Variants in EYA4 observed in about 807,000 individuals in gnomAD.
EYA4 encodes the protein EYA transcriptional coactivator and phosphatase 4, also known as protein phosphatase EYA4.
A neutral mutation model predicts 87.9 loss-of-function variants in EYA4; 31 were observed. That is an observed-to-expected ratio of 0.35 (90% CI 0.27 to 0.48). The LOEUF is 0.48. Among genes scored for constraint, EYA4 ranks in the 20% least tolerant of loss-of-function variants. EYA4 has a pLI of 0.99. For missense variants in EYA4, 678 were observed against 761.4 expected (o/e 0.89, Z 1.29); for synonymous variants, 263 against 270.6 (o/e 0.97, Z 0.28).
intron 2 of EYA4, among the ~76,000 whole-genome samples, chr6:133,327,355 C>T (rs115965217): frequency 2.8e-3 from 429 of 152,166 alleles, no homozygotes; most frequent in African/African-American, 9.9e-3. Flanking sequence ...TGGTCTCAAA[C>T]TCCTGTCTTC....
chr6:133,246,378 A>C (rs1431418513), intron 1 of EYA4, among the ~76,000 whole-genome samples: 1 of 152,066 alleles, frequency 6.6e-6, no homozygotes, highest in African/African-American at 2.4e-5. Context: ...ACAGTAAGTA[A>C]ATTTATTTTA....
intron 11 of EYA4, among the ~76,000 whole-genome samples, chr6:133,475,555 C>A (rs1240779988): frequency 2.0e-5 from 3 of 152,066 alleles, no homozygotes; most frequent in African/African-American, 7.2e-5. Flanking sequence ...TTGATAACTT[C>A]ATGGTATTTC....
At chr6:133,453,408 A>G (rs1051089146) in intron 5 of EYA4, among the ~76,000 whole-genome samples, 12 of 152,074 alleles carry the variant, frequency 7.9e-5, no homozygotes, top group African/African-American at 2.9e-4. Context: ...TTTACTTTAT[A>G]CTAGTTAACT....
At chr6:133,396,187 A>G (rs187519848) in intron 3 of EYA4, among the ~76,000 whole-genome samples, 1 of 152,292 alleles carries the variant, frequency 6.6e-6, no homozygotes, top group East Asian at 1.9e-4. Flanking sequence ...AAGCTCTTCT[A>G]ATGCATTCTG....
In EYA4 at chr6:133,463,685, G is replaced by A. The variant is rs1346832403; in HGVS notation, c.724+921G>A. On this transcript the variant is annotated intron_variant, in intron 9 of 19. Coordinates refer to ENST00000355286, the MANE Select transcript of EYA4 (RefSeq NM_004100.5). ...TGTGTTTTATCTTAATGCAATAGTTGCCAAAAGAATTTTAGTGACATAGTA... is the reference window on the plus strand; with the variant it reads ...TGTGTTTTATCTTAATGCAATAGTTACCAAAAGAATTTTAGTGACATAGTA... 2.0e-5 allele frequency among the ~76,000 whole-genome samples: 3 copies of A among 152,122 alleles called. No individual in the cohort carries two copies. In the East Asian group the frequency reaches 5.8e-4, roughly 30 times the overall value.
At chr6:133,509,436 A>G (rs1433196675) in intron 14 of EYA4, among the ~76,000 whole-genome samples, 2 of 151,436 alleles carry the variant, frequency 1.3e-5, no homozygotes, top group African/African-American at 4.9e-5. Flanking sequence ...CTAATTTGAC[A>G]CTCCATTCTT....
chr6:133,404,188 A>G (rs368638191), intron 3 of EYA4, among the ~76,000 whole-genome samples: 15 of 152,160 alleles, frequency 9.9e-5, no homozygotes, highest in African/African-American at 2.4e-4. Flanking sequence ...CTGTTCACTT[A>G]TTTTTCTCAG....
At chr6:133,317,981 A>C (rs1184698611) in intron 2 of EYA4, among the ~76,000 whole-genome samples, 1 of 151,714 alleles carries the variant, frequency 6.6e-6, no homozygotes, top group African/African-American at 2.4e-5. Context: ...CCACCCATCC[A>C]TCCACCCTCT....
At chr6:133,253,000 C>G (rs1582751588) in intron 1 of EYA4, among the ~76,000 whole-genome samples, 3 of 151,790 alleles carry the variant, frequency 2.0e-5, no homozygotes, top group East Asian at 3.9e-4. Context: ...CTCACTCTCT[C>G]TCTCTCACTT....
At chr6:133,339,042 G>A (rs188197229) in intron 2 of EYA4, among the ~76,000 whole-genome samples, 2 of 152,136 alleles carry the variant, frequency 1.3e-5, no homozygotes, top group Admixed American at 1.3e-4. Context: ...TGCTCGGGGT[G>A]CAGGGTCAGG....
intron 18 of EYA4, among the ~76,000 whole-genome samples, chr6:133,524,623 CT>C (rs923742503): frequency 2.0e-5 from 3 of 152,106 alleles, no homozygotes; most frequent in African/African-American, 7.2e-5. Context: ...AGTATTTCCT[CT>C]TTTTTTAGCG....
intron 1 of EYA4, among the ~76,000 whole-genome samples, chr6:133,268,023 G>A (rs1776367337): frequency 6.6e-6 from 1 of 152,060 alleles, no homozygotes; most frequent in East Asian, 1.9e-4. Flanking sequence ...AATAGTTTGG[G>A]CATTGAATAT....
intron 17 of EYA4, among the ~76,000 whole-genome samples, chr6:133,522,060 G>A (rs1800212201): frequency 1.4e-5 from 2 of 141,876 alleles, no homozygotes; most frequent in Non-Finnish European, 3.1e-5. Context: ...GCACATGTAT[G>A]CATATGTAAC....
At position 133,482,733 on chromosome 6, in the gene EYA4, C is replaced by T. The variant is rs147085356; in HGVS notation, c.1108-299C>T. 2.1e-3 allele frequency among the ~76,000 whole-genome samples: 323 copies of T among 152,238 alleles called. 2 individuals carry two copies. The highest frequency in any genetic ancestry group is 7.1e-3 in the African/African-American group (296 of 41,548). On this transcript the variant is annotated intron_variant, in intron 12 of 19. Transcript: ENST00000355286. ...ACTTTAAAATATGTAGAGTTTCAAG[C>T]ATGCTTCTATCATAAAGTCTGAATG... is the stretch of plus-strand genomic sequence containing the variant.
At chr6:133,334,021 G>A (rs296415) in intron 2 of EYA4, among the ~76,000 whole-genome samples, 28 of 152,090 alleles carry the variant, frequency 1.8e-4, no homozygotes, top group South Asian at 2.1e-4. Context: ...TCTCAGCTAT[G>A]TTTCAATCTT....
At chr6:133,276,484 A>G (rs1455460452) in intron 2 of EYA4, among the ~76,000 whole-genome samples, 1 of 152,206 alleles carries the variant, frequency 6.6e-6, no homozygotes, top group African/African-American at 2.4e-5. Flanking sequence ...GATGCGTCAT[A>G]TCACCGTTCA....
intron 3 of EYA4, among the ~76,000 whole-genome samples, chr6:133,402,007 A>C (rs993824771): frequency 6.6e-6 from 1 of 152,192 alleles, no homozygotes; most frequent in African/African-American, 2.4e-5. Flanking sequence ...CAAGAGGAAA[A>C]GGGGAAGGAA....
At chr6:133,295,625 T>C (rs2128305186) in intron 2 of EYA4, among the ~76,000 whole-genome samples, 1 of 152,334 alleles carries the variant, frequency 6.6e-6, no homozygotes, top group South Asian at 2.1e-4. Flanking sequence ...CAAGTATAAT[T>C]GGGGTATTTA....
At chr6:133,261,774 G>A (rs1775816211) in intron 1 of EYA4, among the ~76,000 whole-genome samples, 1 of 152,156 alleles carries the variant, frequency 6.6e-6, no homozygotes, top group South Asian at 2.1e-4. Context: ...TTTTAATTCA[G>A]TATATGAAGA....
Sources: allele counts gnomAD v4.1 joint callset (sites outside exome capture counted in the v4.1 genomes callset), GRCh38; gene constraint gnomAD v4.1.1; transcripts MANE v1.5; gene names NCBI Gene and HGNC (gene_info 2026-07-23, HGNC 2026-07-21).